Variants in SLC25A21 observed in about 807,000 individuals in gnomAD.
SLC25A21 encodes the protein mitochondrial 2-oxodicarboxylate carrier.
Under a neutral mutation model 43.8 loss-of-function variants are expected in SLC25A21, and 47 were observed. That is an observed-to-expected ratio of 1.07 (90% CI 0.85 to 1.37). The LOEUF is 1.37. SLC25A21 is among the 40% of genes most tolerant of loss of function. The pLI is 0.00. For missense variants in SLC25A21, 352 were observed against 350.2 expected, an observed-to-expected ratio of 1.00 and a Z score of -0.04; for synonymous variants, 131 against 121.3, an observed-to-expected ratio of 1.08 and a Z score of -0.52.
intron 3 of SLC25A21, among the ~76,000 whole-genome samples, chr14:36,769,967 A>AT (rs1032961227): frequency 2.6e-5 from 4 of 152,166 alleles, no homozygotes; most frequent in Non-Finnish European, 5.9e-5. Flanking sequence ...CAAGTCAGAG[A>AT]CTTTGGTATC....
chr14:36,897,737 A>C (rs951595798), intron 1 of SLC25A21, among the ~76,000 whole-genome samples: 1 of 151,964 alleles, frequency 6.6e-6, no homozygotes, highest in African/African-American at 2.4e-5. Flanking sequence ...TCTGTTTGTT[A>C]ATTTTCCTTC....
intron 2 of SLC25A21, among the ~76,000 whole-genome samples, chr14:36,824,802 TAAAAA>T (rs11386652): frequency 3.0e-5 from 3 of 99,596 alleles, no homozygotes; most frequent in East Asian, 7.2e-4. Context: ...TCTGGAATCC[TAAAAA>T]AAAAAAAAAA....
chr14:36,729,186 T>C (rs1306130714), intron 5 of SLC25A21, among the ~76,000 whole-genome samples: 1 of 152,232 alleles, frequency 6.6e-6, no homozygotes. Flanking sequence ...TGGATAGATA[T>C]ATGCAGTATG....
chr14:36,870,807 T>C (rs1165276831), intron 2 of SLC25A21: 2 of 152,150 alleles, frequency 1.3e-5, no homozygotes, highest in East Asian at 1.9e-4. Context: ...GGAGAGGACA[T>C]GGTAGGGGAA....
At chr14:36,824,414 G>A (rs1186651464) in intron 2 of SLC25A21, among the ~76,000 whole-genome samples, 2 of 152,032 alleles carry the variant, frequency 1.3e-5, no homozygotes, top group Non-Finnish European at 2.9e-5. Flanking sequence ...TTTCAAATGA[G>A]GACCCAATTT....
At chr14:37,153,530 C>A (rs985034292) in intron 1 of SLC25A21, among the ~76,000 whole-genome samples, 1 of 152,194 alleles carries the variant, frequency 6.6e-6, no homozygotes, top group African/African-American at 2.4e-5. Flanking sequence ...GGTGGGGGAA[C>A]AAGCTAAGCA....
chr14:36,764,163 A>AGAAAGAAAGAAAGAAT (rs1886299936), intron 3 of SLC25A21, among the ~76,000 whole-genome samples: 2 of 69,166 alleles, frequency 2.9e-5, no homozygotes, highest in Admixed American at 1.8e-4. Flanking sequence ...AAAGAAAGAA[A>AGAAAGAAAGAAAGAAT]GAAAGAAAGA....
At chr14:37,066,312 A>G (rs546057702) in intron 1 of SLC25A21, among the ~76,000 whole-genome samples, 1 of 152,316 alleles carries the variant, frequency 6.6e-6, no homozygotes, top group East Asian at 1.9e-4. Context: ...AAATGCCATG[A>G]AAGACTAAAT....
chr14:37,019,283 C>T (rs917665502), intron 1 of SLC25A21, among the ~76,000 whole-genome samples: 1 of 151,816 alleles, frequency 6.6e-6, no homozygotes, highest in African/African-American at 2.4e-5. Flanking sequence ...TTTGTATGTG[C>T]TTCTCTGCTT....
chr14:36,993,042 T>C (rs1356482542), intron 1 of SLC25A21, among the ~76,000 whole-genome samples: 1 of 152,240 alleles, frequency 6.6e-6, no homozygotes, highest in Non-Finnish European at 1.5e-5. Flanking sequence ...AAAATTTGCC[T>C]ATGCTGGTAT....
chr14:36,990,027 G>A (rs1329461501), intron 1 of SLC25A21, among the ~76,000 whole-genome samples: 2 of 152,150 alleles, frequency 1.3e-5, no homozygotes, highest in East Asian at 1.9e-4. Context: ...CTCTAAGTAC[G>A]AGGGGTTTCT....
At chr14:37,027,965 C>T (rs1423743165) in intron 1 of SLC25A21, among the ~76,000 whole-genome samples, 1 of 152,050 alleles carries the variant, frequency 6.6e-6, no homozygotes, top group Non-Finnish European at 1.5e-5. Flanking sequence ...TTCAATCTTC[C>T]AAGACATAAT....
In SLC25A21 at chr14:36,679,347, T is replaced by C. The variant is rs1321933253; in HGVS notation, c.*1311A>G. The C allele has an allele frequency of 2.5e-5, 24 of 971,038 alleles. No individual in the cohort carries two copies. In the Admixed American group the frequency reaches 1.5e-3, roughly 60 times the overall value. The allele number at this position is 971,038 out of a possible 1,614,324, so 60.2% of individuals were successfully genotyped here. ...TTATACTTCAAATGCTCTAAATTAA[T>C]AAAAAGTAATAATTACCATGTTATC... On this transcript the variant is annotated 3_prime_UTR_variant, in exon 10 of 10. Transcript: ENST00000331299.
At chr14:37,010,519 C>T (rs1248938091) in intron 1 of SLC25A21, among the ~76,000 whole-genome samples, 1 of 152,134 alleles carries the variant, frequency 6.6e-6, no homozygotes, top group Non-Finnish European at 1.5e-5. Flanking sequence ...AAACTGGCAG[C>T]AGGCAGAAAA....
At chr14:36,820,919 A>G (rs848075) in intron 2 of SLC25A21, among the ~76,000 whole-genome samples, 131,448 of 152,226 alleles carry the variant, frequency 0.86, 57,741 homozygotes, top group Non-Finnish European at 0.95. Flanking sequence ...TCAGAGATTA[A>G]CAGACTAAAG....
chr14:36,961,281 G>A (rs1018723283), intron 1 of SLC25A21, among the ~76,000 whole-genome samples: 2 of 151,404 alleles, frequency 1.3e-5, no homozygotes, highest in African/African-American at 4.9e-5. Context: ...GCACAACCTC[G>A]GCTCACTGCA....
At chr14:36,803,069 T>A (rs1368054386) in intron 3 of SLC25A21, among the ~76,000 whole-genome samples, 1 of 152,174 alleles carries the variant, frequency 6.6e-6, no homozygotes, top group African/African-American at 2.4e-5. Context: ...CATTGTCAAA[T>A]CATTGTAAAG....
At chr14:36,943,655 G>A (rs1484936974) in intron 1 of SLC25A21, among the ~76,000 whole-genome samples, 1 of 152,078 alleles carries the variant, frequency 6.6e-6, no homozygotes, top group East Asian at 1.9e-4. Flanking sequence ...CTGGTAAATC[G>A]GTCCTTGTGA....
intron 1 of SLC25A21, among the ~76,000 whole-genome samples, chr14:36,925,752 C>A (rs570336335): frequency 1.3e-5 from 2 of 152,248 alleles, no homozygotes; most frequent in Admixed American, 6.5e-5. Flanking sequence ...GAGGCTGAGG[C>A]AGGAGAATTG....
Sources: allele counts gnomAD v4.1 joint callset (sites outside exome capture counted in the v4.1 genomes callset), GRCh38; gene constraint gnomAD v4.1.1; transcripts MANE v1.5; gene names NCBI Gene and HGNC (gene_info 2026-07-23, HGNC 2026-07-21).